FAHD2B: variants seen among roughly 807,000 people sequenced by gnomAD.
The protein encoded by FAHD2B is fumarylacetoacetate hydrolase domain containing 2B.
In FAHD2B, 26 loss-of-function variants were observed where a neutral mutation model predicts 33.7. The ratio of observed to expected loss-of-function variants is 0.77; its 90% CI spans 0.57 to 1.07. FAHD2B has a LOEUF of 1.07. Ranked by LOEUF, FAHD2B falls within the 50% of genes least tolerant of loss-of-function variation. The pLI, the probability that FAHD2B is intolerant of heterozygous loss-of-function variation, is 0.00. For synonymous variants in FAHD2B, 108 were observed against 150.9 expected (o/e 0.72, Z 2.08); for missense variants, 272 against 388.1 (o/e 0.70, Z 2.51).
chr2:97,084,213 G>A lies in FAHD2B; in HGVS notation c.750C>T (p.Asn250=). 1 of 1,613,794 alleles carries A rather than the reference G, an allele frequency of 6.2e-7. No homozygotes were observed. Among genetic ancestry groups the A allele is most frequent in the Non-Finnish European group, 8.5e-7 (1 of 1,179,850 alleles). Residue 250 remains asparagine, a synonymous_variant, in exon 7 of 9, where the codon AAC becomes AAT. Coordinates refer to ENST00000414820, the MANE Select transcript of FAHD2B (RefSeq NM_001320848.2). ...GGTCCTCTGTCTTGAATACCATCTG[G>A]TTGGTGTTGCTGCTCTGGACGACTT... The part of the protein sequence containing the change: ...NGEVVQSSNT[N]QMVFKTEDLI...
downstream of FAHD2B, among the ~76,000 whole-genome samples, chr2:97,080,063 T>A (rs2031590479): frequency 6.6e-6 from 1 of 152,140 alleles, no homozygotes; most frequent in South Asian, 2.1e-4. Context: ...CTGCTGTTAG[T>A]TTCTTTTGCT....
At chr2:97,093,719 C>T (rs531094665) in intron 1 of FAHD2B, among the ~76,000 whole-genome samples, 3 of 152,164 alleles carry the variant, frequency 2.0e-5, no homozygotes, top group Non-Finnish European at 2.9e-5. Context: ...GTGATCCGCC[C>T]ACCTCGGCCT....
chr2:97,085,034 A>T (rs2031879759), intron 6 of FAHD2B, among the ~76,000 whole-genome samples: 1 of 152,086 alleles, frequency 6.6e-6, no homozygotes, highest in Admixed American at 6.6e-5. Context: ...ATCCTGGCTA[A>T]CCAGCACTTT....
At chr2:97,079,659 T>A (rs56013614), downstream of FAHD2B, among the ~76,000 whole-genome samples, 78,711 of 145,060 alleles carry the variant, frequency 0.54, 26,707 homozygotes, top group Non-Finnish European at 0.78. Context: ...ATTTTATTTT[T>A]TCTTTTCTTT....
chr2:97,081,348 G>C, downstream of FAHD2B: 1 of 1,566,972 alleles, frequency 6.4e-7, no homozygotes, highest in Non-Finnish European at 8.6e-7. Flanking sequence ...AACCTCCTGG[G>C]TGGTAGGTCT....
At chr2:97,078,821 CAT>C (rs529415495), downstream of FAHD2B, among the ~76,000 whole-genome samples, 433 of 151,768 alleles carry the variant, frequency 2.9e-3, 3 homozygotes, top group African/African-American at 9.9e-3. Context: ...CATAGGTAAA[CAT>C]GTGTCATAGG....
At chr2:97,090,958 T>C (rs1274120116) in intron 3 of FAHD2B, among the ~76,000 whole-genome samples, 2 of 121,722 alleles carry the variant, frequency 1.6e-5, no homozygotes, top group Non-Finnish European at 1.8e-5. Context: ...TTTTAATTTA[T>C]TGTTCATCAG....
chr2:97,083,499 G>C, downstream of FAHD2B: 1 of 777,476 alleles, frequency 1.3e-6, no homozygotes, highest in South Asian at 2.0e-5. Context: ...GTGTGTATTT[G>C]CTCTCTTCTT....
Position 97,085,692 on chromosome 2 carries a change from G to A in FAHD2B, c.685+7C>T, listed in dbSNP as rs71429308. ...TAGGTACCAGGGGGCAGGGACCAGGGACCTACCTGCTACACTGTCCTTGGT... is the reference window on the plus strand; with the variant it reads ...TAGGTACCAGGGGGCAGGGACCAGGAACCTACCTGCTACACTGTCCTTGGT... On this transcript the variant is annotated splice_region_variant and intron_variant, in intron 6 of 8. Coordinates refer to ENST00000414820, the MANE Select transcript of FAHD2B (RefSeq NM_001320848.2). 27 of 1,613,622 alleles carry A rather than the reference G, an allele frequency of 1.7e-5. No homozygotes were observed. Among genetic ancestry groups the A allele is most frequent in the Admixed American group, 3.3e-5 (2 of 59,922 alleles).
intron 4 of FAHD2B, chr2:97,086,467 G>A: frequency 2.0e-6 from 1 of 491,600 alleles, no homozygotes; most frequent in Non-Finnish European, 3.7e-6. Flanking sequence ...AGGGCACTGA[G>A]TTTAAAAGTC....
At chr2:97,083,363 A>C, downstream of FAHD2B, 1 of 1,488,086 alleles carries the variant, frequency 6.7e-7, no homozygotes, top group South Asian at 1.3e-5. Context: ...GCTGCTCTAT[A>C]AATATAATCA....
At chr2:97,081,680 CCT>C (rs879937894), downstream of FAHD2B, among the ~76,000 whole-genome samples, 97 of 148,904 alleles carry the variant, frequency 6.5e-4, 2 homozygotes, top group Admixed American at 2.1e-3. Flanking sequence ...ACCTCTGCTC[CCT>C]GTGCCTTGGG....
downstream of FAHD2B, chr2:97,083,093 GAC>G (rs2031715063): frequency 1.3e-6 from 2 of 1,498,820 alleles, no homozygotes; most frequent in African/African-American, 1.4e-5. Flanking sequence ...GAGCCATGCA[GAC>G]ACAGTCCCTG....
chr2:97,083,184 C>T (rs922394980), downstream of FAHD2B: 254 of 1,604,556 alleles, frequency 1.6e-4, 4 homozygotes, highest in Middle Eastern at 6.1e-4. Flanking sequence ...CCAGGCTCCA[C>T]CTATCCCCTA....
At chr2:97,085,936 A>T (rs1361690619) in intron 5 of FAHD2B, 75 bp from the exon 6 acceptor site, 6 of 1,584,742 alleles carry the variant, frequency 3.8e-6, no homozygotes, top group South Asian at 3.4e-5. Context: ...AAGGGATCTC[A>T]AAGCTGTTAT....
downstream of FAHD2B, chr2:97,081,204 C>T (rs2031632908): frequency 1.3e-6 from 2 of 1,490,118 alleles, no homozygotes; most frequent in East Asian, 2.3e-5. Context: ...ACCGCCAGAT[C>T]CTGCTGCTGA....
Position 97,094,730 on chromosome 2 carries a change from TC to T in FAHD2B, c.-163del, listed in dbSNP as rs888935066. ...CGGCGGCGGCGGCGGCAGCCGGTCCTCCTGCGCTGAGTTAGGGCTCGCGGGG... is the reference window on the plus strand; with the variant it reads ...CGGCGGCGGCGGCGGCAGCCGGTCCTCTGCGCTGAGTTAGGGCTCGCGGGG... On this transcript the variant is annotated 5_prime_UTR_variant, in exon 1 of 9. Transcript: ENST00000414820. 1.4e-5 allele frequency: 1 copy of T among 72,360 alleles called. No individual in the cohort carries two copies. Among genetic ancestry groups the T allele is most frequent in the Non-Finnish European group, 2.6e-5 (1 of 38,010 alleles). The allele number at this position is 72,360 out of a possible 1,614,324, so 4.5% of individuals were successfully genotyped here.
At chr2:97,081,018 A>T, downstream of FAHD2B, 1 of 1,309,168 alleles carries the variant, frequency 7.6e-7, no homozygotes, top group Non-Finnish European at 1.0e-6. Flanking sequence ...CTGTGATCCC[A>T]GCACTTCTGG....
downstream of FAHD2B, chr2:97,082,053 T>G (rs1574365770): frequency 3.2e-6 from 5 of 1,586,078 alleles, no homozygotes; most frequent in Non-Finnish European, 3.4e-6. Flanking sequence ...GGAAACCGAG[T>G]GGGGATTTTA....
Sources: gnomAD v4.1 joint callset for allele counts (sites outside exome capture counted in the v4.1 genomes callset) on GRCh38, gnomAD v4.1.1 for gene constraint, MANE v1.5 for transcripts, NCBI Gene and HGNC (gene_info 2026-07-23, HGNC 2026-07-21) for gene names.